CTTNBP2: variants seen among roughly 807,000 people sequenced by gnomAD.
CTTNBP2 encodes cortactin-binding protein 2.
In CTTNBP2, 108 loss-of-function variants were observed where a neutral mutation model predicts 156.9. The observed-to-expected ratio is 0.69, with a 90% CI of 0.59 to 0.81. CTTNBP2 has a LOEUF of 0.81. CTTNBP2 is among the 30% of genes least tolerant of loss of function. The pLI, the probability that CTTNBP2 is intolerant of heterozygous loss-of-function variation, is 0.00. For missense variants in CTTNBP2, 1,924 were observed against 2,035.4 expected (o/e 0.95, Z 1.05); for synonymous variants, 767 against 751.8 (o/e 1.02, Z -0.33).
At position 117,760,694 on chromosome 7, in the gene CTTNBP2, G is replaced by C. The variant is rs759214218; in HGVS notation, c.2913C>G (p.Pro971=). ...LLENLNALKI[P]LRISVGEIEP... ...CAATCTCACCCACTGAAATCCTTAA[G>C]GGTATTTTAAGAGCATCTGTTAGAA... Residue 971 remains proline (P), a synonymous_variant, in exon 10 of 23, where the codon CCC becomes CCG. Transcript: ENST00000160373. 9 of 1,609,920 alleles carry C rather than the reference G, an allele frequency of 5.6e-6. No homozygotes were observed. The highest frequency in any genetic ancestry group is 3.3e-5 in the Admixed American group (2 of 59,928).
intron 2 of CTTNBP2, among the ~76,000 whole-genome samples, chr7:117,823,304 G>A (rs1801077729): frequency 6.6e-6 from 1 of 151,898 alleles, no homozygotes; most frequent in South Asian, 2.1e-4. Context: ...GATTTTGATT[G>A]GAATTATACG....
intron 8 of CTTNBP2, among the ~76,000 whole-genome samples, chr7:117,776,673 C>T (rs1798120039): frequency 1.3e-5 from 2 of 152,222 alleles, no homozygotes; most frequent in Admixed American, 6.5e-5. Context: ...ATGGGCCATG[C>T]CTGAGCCTAA....
chr7:117,732,085 G>C (rs981090971), intron 16 of CTTNBP2, among the ~76,000 whole-genome samples: 5 of 152,048 alleles, frequency 3.3e-5, no homozygotes, highest in African/African-American at 1.2e-4. Context: ...TGTTCACCTG[G>C]TATTAATGGT....
intron 9 of CTTNBP2, among the ~76,000 whole-genome samples, chr7:117,761,711 A>C (rs1482644294): frequency 6.6e-6 from 1 of 152,204 alleles, no homozygotes; most frequent in Non-Finnish European, 1.5e-5. Flanking sequence ...AAATGTGTTT[A>C]AGCAGTCAAA....
chr7:117,734,559 G>A (rs1312224801), intron 16 of CTTNBP2, among the ~76,000 whole-genome samples: 1 of 152,218 alleles, frequency 6.6e-6, no homozygotes, highest in African/African-American at 2.4e-5. Flanking sequence ...TAACAGGCCT[G>A]TTGTAAAATG....
At position 117,810,974 on chromosome 7, in the gene CTTNBP2, C is replaced by A. The variant is rs1462844543; in HGVS notation, c.205G>T (p.Val69Leu). 1.2e-6 allele frequency: 2 copies of A among 1,612,852 alleles called. No homozygotes were observed. The highest frequency in any genetic ancestry group is 2.2e-5 in the East Asian group (1 of 44,870). Residue 69 changes from valine to leucine, a missense_variant, in exon 3 of 23, where the codon GTA becomes TTA. Physicochemically the swap from Val to Leu is conservative, Grantham distance 32. Coordinates refer to ENST00000160373, the MANE Select transcript of CTTNBP2 (RefSeq NM_033427.3). ...CTCCCATACCGTTCCTGGATAAATA[C>A]CTCCTTCCTGCGAGCCTGGAACAAA... ...IEALRARRKE[V>L]FIQERYGRFN...
chr7:117,831,868 G>A (rs1801632295), intron 2 of CTTNBP2, among the ~76,000 whole-genome samples: 1 of 151,966 alleles, frequency 6.6e-6, no homozygotes, highest in African/African-American at 2.4e-5. Context: ...TTTCTTAAAG[G>A]AAACCGTTTC....
chr7:117,810,092 G>A (rs576771143), intron 3 of CTTNBP2, among the ~76,000 whole-genome samples: 1 of 152,212 alleles, frequency 6.6e-6, no homozygotes, highest in Admixed American at 6.5e-5. Context: ...ATACTCAAGT[G>A]AAAGGAATAT....
intron 4 of CTTNBP2, among the ~76,000 whole-genome samples, chr7:117,785,068 T>A (rs1020115043): frequency 2.0e-5 from 3 of 152,148 alleles, no homozygotes; most frequent in Admixed American, 6.6e-5. Flanking sequence ...TAATAAAATA[T>A]AACATATATA....
intron 2 of CTTNBP2, among the ~76,000 whole-genome samples, chr7:117,842,793 T>C (rs1802353708): frequency 1.3e-5 from 2 of 152,226 alleles, no homozygotes; most frequent in African/African-American, 4.8e-5. Flanking sequence ...CTCCTTGATA[T>C]AAAGATGCAT....
chr7:117,721,086 C>CA lies in CTTNBP2; in HGVS notation c.4491dup (p.Ala1498CysfsTer12). 6.2e-7 allele frequency: 1 copy of CA among 1,606,624 alleles called. No individual in the cohort carries two copies. The highest frequency in any genetic ancestry group is 8.5e-7 in the Non-Finnish European group (1 of 1,173,202). On this transcript the variant is annotated frameshift_variant, in exon 20 of 23. Transcript: ENST00000160373. LOFTEE classifies it high-confidence loss of function. The stretch of plus-strand genomic sequence containing the variant: ...ACTTACTTTTGTTTTGACAGAGAAG[C>CA]ATTCCTGTTACAATTCAGCTGTGAT...
intron 16 of CTTNBP2, among the ~76,000 whole-genome samples, chr7:117,732,986 TTAA>T (rs1323477449): frequency 6.6e-6 from 1 of 152,232 alleles, no homozygotes; most frequent in Non-Finnish European, 1.5e-5. Flanking sequence ...TATTACATAA[TTAA>T]TGATAGTTTA....
chr7:117,801,629 T>C (rs997280394), intron 3 of CTTNBP2, among the ~76,000 whole-genome samples: 1 of 152,226 alleles, frequency 6.6e-6, no homozygotes, highest in African/African-American at 2.4e-5. Flanking sequence ...ATGTAAGAGA[T>C]TGTCCTTATT....
At chr7:117,816,075 CCTTCCCAGGGGGGCAAT>C (rs1488856962) in intron 2 of CTTNBP2, among the ~76,000 whole-genome samples, 3 of 152,182 alleles carry the variant, frequency 2.0e-5, no homozygotes, top group Non-Finnish European at 2.9e-5. Flanking sequence ...AGGGAAGTCT[CCTTCCCAGGGGGGCAAT>C]CTTCCCAGGA....
chr7:117,711,801 C>T lies in CTTNBP2; in HGVS notation c.4747-19G>A, dbSNP rs772433222. The T allele has an allele frequency of 1.3e-6, 2 of 1,595,886 alleles. No homozygotes were observed. Among genetic ancestry groups the T allele is most frequent in the African/African-American group, 2.7e-5 (2 of 74,166 alleles). On this transcript the variant is annotated intron_variant, in intron 22 of 22. Transcript: ENST00000160373. Reference sequence around the variant, plus strand: ...TGACCTCCTGTAAGAGACAAGAAACCACACAAGTTTATCACAAACTTCTCC... The same window carrying T: ...TGACCTCCTGTAAGAGACAAGAAACTACACAAGTTTATCACAAACTTCTCC...
chr7:117,777,909 T>C, intron 7 of CTTNBP2, 144 bp from the exon 8 acceptor site: 3 of 740,576 alleles, frequency 4.1e-6, no homozygotes, highest in Non-Finnish European at 6.7e-6. Flanking sequence ...ACATTATCAC[T>C]GATGAGCTGG....
In CTTNBP2 at chr7:117,816,968, T is replaced by C. The variant is rs201562507; in HGVS notation, c.190-5979A>G. Among the ~76,000 whole-genome samples, 30 of 152,230 alleles carry C rather than the reference T, an allele frequency of 2.0e-4. No homozygotes were observed. The East Asian group carries it at 4.9e-3, about 25-fold the overall frequency. On this transcript the variant is annotated intron_variant, in intron 2 of 22. Coordinates refer to ENST00000160373, the MANE Select transcript of CTTNBP2 (RefSeq NM_033427.3). The stretch of plus-strand genomic sequence containing the variant: ...CGCACTTTAGGGAAATGAGTCATTA[T>C]GAAGACATAAACTAGTTTTAATAAT...
chr7:117,822,539 A>G (rs1801027133), intron 2 of CTTNBP2, among the ~76,000 whole-genome samples: 1 of 152,170 alleles, frequency 6.6e-6, no homozygotes, highest in Admixed American at 6.5e-5. Flanking sequence ...GCACTGTTTT[A>G]GCTGCATCTC....
chr7:117,859,869 C>T (rs1375759768), intron 2 of CTTNBP2, among the ~76,000 whole-genome samples: 1 of 152,202 alleles, frequency 6.6e-6, no homozygotes, highest in African/African-American at 2.4e-5. Flanking sequence ...ATAATCACTA[C>T]ATCTGCTATG....
Sources: allele counts gnomAD v4.1 joint callset (sites outside exome capture counted in the v4.1 genomes callset), GRCh38; gene constraint gnomAD v4.1.1; transcripts MANE v1.5; gene names NCBI Gene and HGNC (gene_info 2026-07-23, HGNC 2026-07-21).